Variants in DZANK1 observed in about 807,000 individuals in gnomAD.
The protein encoded by DZANK1 is double zinc ribbon and ankyrin repeat domains 1.
Under a neutral mutation model 94.5 loss-of-function variants are expected in DZANK1, and 91 were observed. The observed-to-expected ratio is 0.96, with a 90% CI of 0.81 to 1.15. The LOEUF (loss-of-function observed/expected upper bound fraction) is 1.15. Ranked by LOEUF, DZANK1 falls within the 50% of genes most tolerant of loss-of-function variation. The probability of loss-of-function intolerance (pLI) is 0.00; values close to 1 mark genes in which losing one functional copy is unlikely to be tolerated. For missense variants in DZANK1, 903 were observed against 916.4 expected (o/e 0.99, Z 0.19); for synonymous variants, 312 against 325.3 (o/e 0.96, Z 0.44).
chr20:18,452,504 G>A (rs762382850), intron 6 of DZANK1, 111 bp downstream of exon 6: 2 of 1,277,748 alleles, frequency 1.6e-6, no homozygotes, highest in Non-Finnish European at 2.1e-6. Flanking sequence ...CACTAGAACA[G>A]TGCCTGGCAC....
chr20:18,420,055 A>G (rs373618826), intron 10 of DZANK1: 31 of 152,362 alleles, frequency 2.0e-4, no homozygotes, highest in African/African-American at 6.3e-4. Flanking sequence ...CCTGCCCCAA[A>G]TAGGACCCCA....
At chr20:18,417,708 A>T (rs534835767) in intron 10 of DZANK1, among the ~76,000 whole-genome samples, 18 of 152,132 alleles carry the variant, frequency 1.2e-4, no homozygotes, top group South Asian at 8.3e-4. Context: ...ATCTTTTTTT[A>T]AAAAAAACTA....
chr20:18,446,681 TAAAAATCTTCCTGAAA>T (rs2058891825), intron 7 of DZANK1, among the ~76,000 whole-genome samples: 3 of 152,192 alleles, frequency 2.0e-5, no homozygotes, highest in Admixed American at 1.3e-4. Context: ...AATGTGTAGT[TAAAAATCTTCCTGAAA>T]AAAAATCTTC....
At chr20:18,458,168 A>G (rs1463788369) in intron 3 of DZANK1, among the ~76,000 whole-genome samples, 1 of 152,230 alleles carries the variant, frequency 6.6e-6, no homozygotes, top group Non-Finnish European at 1.5e-5. Context: ...CTGGCTCATT[A>G]GCATTTCTTC....
Position 18,414,451 on chromosome 20 carries a change from GCAGA to G in DZANK1, c.1135_1138del (p.Ser379ProfsTer11), listed in dbSNP as rs2057394347. The G allele has an allele frequency of 1.2e-6, 2 of 1,613,778 alleles. No homozygotes were observed. Among genetic ancestry groups the G allele is most frequent in the Non-Finnish European group, 1.7e-6 (2 of 1,179,774 alleles). On this transcript the variant is annotated frameshift_variant, in exon 12 of 21. Transcript: ENST00000262547. LOFTEE classifies it high-confidence loss of function. ...AATACCACAGGAGCCACAGAATCGG[GCAGA>G]CAGGTGATTGCTGGCCCCACATTTA...
chr20:18,465,459 A>G, intron 1 of DZANK1, 82 bp from the exon 2 acceptor site: 1 of 445,214 alleles, frequency 2.2e-6, no homozygotes, highest in Non-Finnish European at 3.9e-6. Context: ...AAAACTAGTT[A>G]AAACGAGAGA....
intron 3 of DZANK1, 115 bp downstream of exon 3, chr20:18,460,038 T>A: frequency 1.3e-6 from 1 of 757,124 alleles, no homozygotes; most frequent in Non-Finnish European, 1.9e-6. Flanking sequence ...ATTAAAATAA[T>A]GTTTCAGTAG....
At chr20:18,443,406 A>T (rs199584491) in exon 8 of DZANK1, 5 of 1,541,886 alleles carry the variant, frequency 3.2e-6, no homozygotes, top group Non-Finnish European at 4.4e-6. Context: ...GGAGAGCCAC[A>T]TTCTTGACAG....
chr20:18,386,925 G>A (rs1330184290), intron 19 of DZANK1, among the ~76,000 whole-genome samples: 2 of 152,176 alleles, frequency 1.3e-5, no homozygotes, highest in African/African-American at 4.8e-5. Flanking sequence ...ATGTTCATGG[G>A]CTATGCTGTG....
intron 4 of DZANK1, chr20:18,454,506 C>T: frequency 6.2e-6 from 1 of 162,526 alleles, no homozygotes; most frequent in South Asian, 1.7e-4. Context: ...GCTAGCCCAT[C>T]CTCTGGCCTA....
chr20:18,457,274 C>T (rs186453969), intron 3 of DZANK1, among the ~76,000 whole-genome samples: 3 of 152,168 alleles, frequency 2.0e-5, no homozygotes, highest in Non-Finnish European at 2.9e-5. Flanking sequence ...CAGGAGTTCA[C>T]GACCAGCCTG....
In DZANK1 at chr20:18,427,061, A is replaced by G. The variant is rs768044959; in HGVS notation, c.954+6T>C. The G allele has an allele frequency of 1.2e-6, 2 of 1,604,376 alleles. No individual in the cohort carries two copies. The highest frequency in any genetic ancestry group is 1.7e-6 in the Non-Finnish European group (2 of 1,172,798). ...AATATAGGATTGGCACATGCAATCA[A>G]CCTACCTCTTGTGATGAAGGCAGGG... On this transcript the variant is annotated splice_donor_region_variant and intron_variant, in intron 10 of 20. Transcript: ENST00000262547.
intron 4 of DZANK1, 98 bp downstream of exon 4, chr20:18,455,149 G>A (rs1385788720): frequency 1.7e-5 from 14 of 813,282 alleles, no homozygotes; most frequent in East Asian, 2.7e-5. Flanking sequence ...ACCTGACTGT[G>A]AGCAGAGGTA....
intron 10 of DZANK1, among the ~76,000 whole-genome samples, chr20:18,426,268 G>A (rs1429174831): frequency 2.6e-5 from 4 of 152,184 alleles, no homozygotes; most frequent in Non-Finnish European, 5.9e-5. Flanking sequence ...CTGATGATCT[G>A]AGGAGGAGCA....
At chr20:18,393,643 G>T in intron 17 of DZANK1, 68 bp downstream of exon 17, 1 of 1,047,594 alleles carries the variant, frequency 9.5e-7, no homozygotes, top group South Asian at 1.5e-5. Context: ...TTTTAAAAAA[G>T]GTCAAAATAA....
rs751178253 is a variant in DZANK1 at position 18,389,756 on chromosome 20, CA to C, written c.1962del (p.His654GlnfsTer65). ...CTCTGCACGAGAACTGGAATCGCTTCATGGTGCTTATTCATAACAGCCACGG... is the reference window on the plus strand; with the variant it reads ...CTCTGCACGAGAACTGGAATCGCTTCTGGTGCTTATTCATAACAGCCACGG... On this transcript the variant is annotated frameshift_variant, in exon 19 of 21. Coordinates refer to ENST00000262547, the Ensembl canonical transcript of DZANK1. LOFTEE classifies it high-confidence loss of function. 47 of 1,613,870 alleles carry C rather than the reference CA, an allele frequency of 2.9e-5. No homozygotes were observed. The highest frequency in any genetic ancestry group is 3.6e-5 in the Non-Finnish European group (43 of 1,179,886).
exon 21 of DZANK1, chr20:18,384,163 G>C: frequency 3.2e-6 from 1 of 314,522 alleles, no homozygotes; most frequent in Non-Finnish European, 5.8e-6. Flanking sequence ...GGGTTCAAGC[G>C]ATTTTCCTGC....
intron 8 of DZANK1, among the ~76,000 whole-genome samples, chr20:18,436,134 A>T (rs887808091): frequency 6.6e-6 from 1 of 151,978 alleles, no homozygotes; most frequent in Non-Finnish European, 1.5e-5. Flanking sequence ...AGCTATTTTT[A>T]AAAAATGTTC....
rs1401934383 is a variant in DZANK1, at chr20:18,441,761, GCA to G, written c.747+1584_747+1585del. On this transcript the variant is annotated intron_variant, in intron 8 of 20. Transcript: ENST00000262547. This position sits in a 1 kb window ranked among gnomAD's most constrained non-coding sequence, Gnocchi z 4.1. ...TAGGAATTCCTCATCTAGGGAACTG[GCA>G]GAACATGTTGGGAAGTCAGATACAG... is the stretch of plus-strand genomic sequence containing the variant. Among the ~76,000 whole-genome samples, 1 of 152,224 alleles carries G rather than the reference GCA, an allele frequency of 6.6e-6. No homozygotes were observed. Among genetic ancestry groups the G allele is most frequent in the Non-Finnish European group, 1.5e-5 (1 of 68,044 alleles).
Sources: allele counts gnomAD v4.1 joint callset (sites outside exome capture counted in the v4.1 genomes callset), GRCh38; gene constraint gnomAD v4.1.1; non-coding constraint Gnocchi (gnomAD v3.1); transcripts MANE v1.5; gene names NCBI Gene and HGNC (gene_info 2026-07-23, HGNC 2026-07-21).